Variants in SLC4A7 observed in about 807,000 individuals in gnomAD.
SLC4A7 encodes solute carrier family 4 member 7, also known as sodium bicarbonate cotransporter 3.
SLC4A7 carries 51 observed loss-of-function variants against 137.6 expected under a neutral mutation model. That is an observed-to-expected ratio of 0.37 (90% CI 0.30 to 0.47). SLC4A7 has a LOEUF of 0.47. Ranked by LOEUF, SLC4A7 falls within the 20% of genes least tolerant of loss-of-function variation. The pLI is 1.00. For missense variants in SLC4A7, 1,247 were observed against 1,525.4 expected (o/e 0.82, Z 3.04); for synonymous variants, 542 against 518.6 (o/e 1.05, Z -0.61).
chr3:27,474,310 A>G (rs931659654), intron 1 of SLC4A7, among the ~76,000 whole-genome samples: 1 of 152,232 alleles, frequency 6.6e-6, no homozygotes, highest in East Asian at 1.9e-4. Flanking sequence ...TCTACAGCAG[A>G]TAAGAAATTC....
At chr3:27,409,677 G>T in intron 12 of SLC4A7, 147 bp from the exon 13 acceptor site, 1 of 578,322 alleles carries the variant, frequency 1.7e-6, no homozygotes, top group Non-Finnish European at 3.0e-6. Context: ...AATTACAGAA[G>T]ATACACTCAT....
intron 7 of SLC4A7, chr3:27,428,286 T>C (rs1027562038): frequency 3.2e-5 from 5 of 154,360 alleles, no homozygotes; most frequent in African/African-American, 9.6e-5. Flanking sequence ...AAATCCCTGC[T>C]CTGGTTGATC....
intron 1 of SLC4A7, chr3:27,462,876 G>A (rs968384759): frequency 1.3e-5 from 2 of 152,182 alleles, no homozygotes; most frequent in Non-Finnish European, 2.9e-5. Flanking sequence ...TTCAAACCGG[G>A]AAAAACAAAG....
intron 3 of SLC4A7, among the ~76,000 whole-genome samples, chr3:27,442,910 T>TTGC (rs1452087914): frequency 6.6e-6 from 1 of 152,044 alleles, no homozygotes; most frequent in Admixed American, 6.6e-5. Context: ...TGTGAACATT[T>TTGC]TGCTGCTGCA....
At chr3:27,476,388 A>T (rs2059459683) in intron 1 of SLC4A7, among the ~76,000 whole-genome samples, 1 of 152,214 alleles carries the variant, frequency 6.6e-6, no homozygotes, top group Non-Finnish European at 1.5e-5. Context: ...CAGTTGTATC[A>T]AGCAAAGTAG....
chr3:27,425,370 T>TCAAAAA, intron 7 of SLC4A7, among the ~76,000 whole-genome samples: 1 of 57,004 alleles, frequency 1.8e-5, no homozygotes, highest in Non-Finnish European at 2.9e-5. Flanking sequence ...AACTCCGTCC[T>TCAAAAA]AAAAAAAAAA....
chr3:27,460,054 T>G (rs368272681), intron 1 of SLC4A7, among the ~76,000 whole-genome samples: 18 of 151,468 alleles, frequency 1.2e-4, no homozygotes, highest in Middle Eastern at 6.9e-3. Flanking sequence ...TTTTTTCTTT[T>G]GAGACAGGGT....
At position 27,431,417 on chromosome 3, in the gene SLC4A7, A is replaced by C. The variant is rs2056271583; in HGVS notation, c.1031T>G (p.Leu344Arg). ...QESQRQAPEL[L>R]VSPASDDIPT... ...AATATCATCACTGGCAGGTGAAACC[A>C]GTAGTTCTGGGGCCTGACGCTGACT... The change falls in exon 7 of 26, where the codon CTG becomes CGG. Residue 344 changes from leucine to arginine, a missense_variant. Transcript: ENST00000454389. The C allele has an allele frequency of 6.2e-7, 1 of 1,613,926 alleles. No individual in the cohort carries two copies. The highest frequency in any genetic ancestry group is 1.7e-5 in the Admixed American group (1 of 59,992).
chr3:27,437,088 C>T lies in SLC4A7; in HGVS notation c.428+300G>A, dbSNP rs556863493. Among the ~76,000 whole-genome samples, 8 of 152,238 alleles carry T rather than the reference C, an allele frequency of 5.3e-5. No homozygotes were observed. In the South Asian group the frequency reaches 1.0e-3, roughly 20 times the overall value. Reference sequence around the variant, plus strand: ...GACTTAGGCCGGGAACGGTGGCTAACGCCTGTAATCCTAACACTATGGGAG... The same window carrying T: ...GACTTAGGCCGGGAACGGTGGCTAATGCCTGTAATCCTAACACTATGGGAG... On this transcript the variant is annotated intron_variant, in intron 4 of 25. Coordinates refer to ENST00000454389, the MANE Select transcript of SLC4A7 (RefSeq NM_001321103.2).
intron 1 of SLC4A7, among the ~76,000 whole-genome samples, chr3:27,472,694 C>T (rs1196214979): frequency 6.6e-6 from 1 of 152,138 alleles, no homozygotes; most frequent in Non-Finnish European, 1.5e-5. Flanking sequence ...TCATACTTTG[C>T]TATGGAACCA....
At chr3:27,458,149 A>G (rs568264228) in intron 1 of SLC4A7, among the ~76,000 whole-genome samples, 1 of 152,326 alleles carries the variant, frequency 6.6e-6, no homozygotes, top group Admixed American at 6.5e-5. Context: ...TCAGAATATT[A>G]AAGCAATACA....
rs993497983 is a variant in SLC4A7 at position 27,373,480 on chromosome 3, T to C, written c.*3284A>G. ...AAATGATGTGATCTACATAAATAAA[T>C]TTAAAACATTAAGTTATTTCATATA... On this transcript the variant is annotated 3_prime_UTR_variant, in exon 26 of 26. Transcript: ENST00000454389. 3 of 152,146 alleles carry C rather than the reference T, an allele frequency of 2.0e-5. No individual in the cohort carries two copies. Among genetic ancestry groups the C allele is most frequent in the Admixed American group, 6.5e-5 (1 of 15,278 alleles). 9.4% of individuals were successfully genotyped at this position (152,146 alleles called of 1,614,324 possible).
At position 27,448,760 on chromosome 3, in the gene SLC4A7, A is replaced by G. The variant is rs773198231; in HGVS notation, c.180T>C (p.Phe60=). The part of the protein sequence containing the change: ...RAVYIGVHVP[F]SKESRRRHRH... Reference sequence around the variant, plus strand: ...TATGACGCCGACGACTCTCTTTACTAAACGGGACGTGAACACCAATATATA... The same window carrying G: ...TATGACGCCGACGACTCTCTTTACTGAACGGGACGTGAACACCAATATATA... Residue 60 remains phenylalanine (F), a synonymous_variant, in exon 3 of 26, where the codon TTT becomes TTC. Coordinates refer to ENST00000454389, the MANE Select transcript of SLC4A7 (RefSeq NM_001321103.2). 9 of 1,613,494 alleles carry G rather than the reference A, an allele frequency of 5.6e-6. No homozygotes were observed. Among genetic ancestry groups the G allele is most frequent in the African/African-American group, 1.3e-5 (1 of 75,012 alleles).
At chr3:27,479,210 T>C (rs560654748) in intron 1 of SLC4A7, among the ~76,000 whole-genome samples, 4 of 151,562 alleles carry the variant, frequency 2.6e-5, no homozygotes, top group African/African-American at 9.7e-5. Flanking sequence ...AGCCAAGGAG[T>C]TCGACATCAG....
At chr3:27,453,263 CTTA>C (rs1446635000) in intron 1 of SLC4A7, among the ~76,000 whole-genome samples, 34 of 152,148 alleles carry the variant, frequency 2.2e-4, no homozygotes, top group Admixed American at 2.2e-3. Context: ...TTATTATTAA[CTTA>C]TTATACACAA....
chr3:27,396,273 A>G (rs2052152383), intron 18 of SLC4A7, among the ~76,000 whole-genome samples: 1 of 152,190 alleles, frequency 6.6e-6, no homozygotes, highest in South Asian at 2.1e-4. Context: ...TACTTATACA[A>G]TGCCATTTAC....
rs1302269020 is a variant in SLC4A7 at position 27,372,908 on chromosome 3, T to G, written c.*3856A>C. On this transcript the variant is annotated 3_prime_UTR_variant, in exon 26 of 26. Transcript: ENST00000454389. ...ATTTAAATGTTTACTTTGGATTTTA[T>G]TATAGAAGAAAATATCATTGTAATT... The G allele has an allele frequency of 1.3e-5, 2 of 152,574 alleles. No homozygotes were observed. Among genetic ancestry groups the G allele is most frequent in the African/African-American group, 4.8e-5 (2 of 41,448 alleles). 9.5% of individuals were successfully genotyped at this position (152,574 alleles called of 1,614,324 possible).
At chr3:27,411,523 TTATACA>T (rs1459578054) in intron 12 of SLC4A7, 113 bp downstream of exon 12, 1 of 394,684 alleles carries the variant, frequency 2.5e-6, no homozygotes, top group Admixed American at 4.6e-5. Context: ...ATGCACATTT[TTATACA>T]TATGAAAAAA....
chr3:27,383,427 C>T (rs1414108880), intron 23 of SLC4A7, among the ~76,000 whole-genome samples, 177 bp from the exon 24 acceptor site: 1 of 152,110 alleles, frequency 6.6e-6, no homozygotes, highest in East Asian at 1.9e-4. Flanking sequence ...TAAAAACAAC[C>T]ACTTGTAAAA....
Sources: allele counts gnomAD v4.1 joint callset (sites outside exome capture counted in the v4.1 genomes callset), GRCh38; gene constraint gnomAD v4.1.1; transcripts MANE v1.5; gene names NCBI Gene and HGNC (gene_info 2026-07-23, HGNC 2026-07-21).